PTPRN2: variants seen among roughly 807,000 people sequenced by gnomAD.
The protein encoded by PTPRN2 is protein tyrosine phosphatase receptor type N2, also known as receptor-type tyrosine-protein phosphatase N2.
PTPRN2 carries 74 observed loss-of-function variants against 118.8 expected under a neutral mutation model. The ratio of observed to expected loss-of-function variants is 0.62; its 90% CI spans 0.52 to 0.76. The LOEUF (loss-of-function observed/expected upper bound fraction) is 0.76, where lower values mean the gene tolerates loss of function less well. PTPRN2 is among the 30% of genes least tolerant of loss of function. The pLI is 0.00. For synonymous variants in PTPRN2, 641 were observed against 608.0 expected, an observed-to-expected ratio of 1.05 and a Z score of -0.80; for missense variants, 1,481 against 1,394.4, an observed-to-expected ratio of 1.06 and a Z score of -0.99.
chr7:158,220,553 T>A (rs138128517), intron 3 of PTPRN2, among the ~76,000 whole-genome samples: 212 of 152,108 alleles, frequency 1.4e-3, no homozygotes, highest in African/African-American at 4.1e-3. Context: ...ACTAAAAAAC[T>A]AATATCATTT....
intron 12 of PTPRN2, among the ~76,000 whole-genome samples, chr7:157,749,233 C>G (rs1490523797): frequency 1.9e-5 from 2 of 104,466 alleles, no homozygotes; most frequent in Non-Finnish European, 3.7e-5. Context: ...GAGCTGTGGG[C>G]TGTTGAGGTG....
intron 13 of PTPRN2, among the ~76,000 whole-genome samples, chr7:157,664,545 C>T (rs1036111426): frequency 1.3e-5 from 2 of 152,106 alleles, no homozygotes; most frequent in Non-Finnish European, 2.9e-5. Flanking sequence ...TGGGAGGATC[C>T]CTTGAGCCCA....
intron 12 of PTPRN2, 34 bp downstream of exon 12, chr7:157,898,639 T>C (rs1306300460): frequency 6.5e-7 from 1 of 1,532,732 alleles, no homozygotes; most frequent in African/African-American, 1.4e-5. Context: ...GCACTGCAGA[T>C]CGCAGAGCAG....
chr7:158,587,467 T>A, intron 1 of PTPRN2, 91 bp downstream of exon 1: 2 of 635,568 alleles, frequency 3.1e-6, no homozygotes, highest in Non-Finnish European at 3.5e-6. Context: ...GTGGCGCCTC[T>A]CCCCACCCAG....
chr7:157,625,045 T>G (rs1460356719), intron 14 of PTPRN2, among the ~76,000 whole-genome samples: 1 of 152,202 alleles, frequency 6.6e-6, no homozygotes, highest in African/African-American at 2.4e-5. Flanking sequence ...ACCTTCCTCC[T>G]GCAAGAATGG....
rs1281952807 is a variant in PTPRN2 at position 157,611,159 on chromosome 7, G to T, written c.2345-7084C>A. ...CAGAGGAGCAACAGTGGCCCCAAATGGCATGGTCACAAGGCTGGTTTAGTG... is the reference window on the plus strand; with the variant it reads ...CAGAGGAGCAACAGTGGCCCCAAATTGCATGGTCACAAGGCTGGTTTAGTG... On this transcript the variant is annotated intron_variant, in intron 15 of 22. Coordinates refer to ENST00000389418, the MANE Select transcript of PTPRN2 (RefSeq NM_002847.5). This position sits in a 1 kb window ranked among gnomAD's most constrained non-coding sequence, Gnocchi z 5.9. Among the ~76,000 whole-genome samples, 1 of 152,194 alleles carries T rather than the reference G, an allele frequency of 6.6e-6. No individual in the cohort carries two copies. The highest frequency in any genetic ancestry group is 1.5e-5 in the Non-Finnish European group (1 of 68,040).
At chr7:158,032,926 G>A (rs1807795789) in intron 11 of PTPRN2, among the ~76,000 whole-genome samples, 1 of 152,186 alleles carries the variant, frequency 6.6e-6, no homozygotes, top group South Asian at 2.1e-4. Flanking sequence ...AGGCATTACT[G>A]CAGAGGAAGG....
chr7:158,378,698 C>T (rs1810734060), intron 2 of PTPRN2, among the ~76,000 whole-genome samples: 1 of 152,146 alleles, frequency 6.6e-6, no homozygotes, highest in Non-Finnish European at 1.5e-5. Context: ...GGTCCAGGGT[C>T]CAGGGTCAAC....
intron 2 of PTPRN2, among the ~76,000 whole-genome samples, chr7:158,418,049 T>C (rs10226337): frequency 0.038 from 3,697 of 97,502 alleles, 7 homozygotes; most frequent in Middle Eastern, 0.069. Context: ...TGTTAAGTCA[T>C]GGTGTACTAC....
At chr7:158,285,923 C>T (rs1228875829) in intron 3 of PTPRN2, among the ~76,000 whole-genome samples, 2 of 151,504 alleles carry the variant, frequency 1.3e-5, no homozygotes, top group East Asian at 3.9e-4. Context: ...GAGGTTGGAT[C>T]CAGCCACACA....
intron 12 of PTPRN2, among the ~76,000 whole-genome samples, chr7:157,837,204 A>G (rs1362938622): frequency 3.2e-4 from 5 of 15,776 alleles, no homozygotes; most frequent in African/African-American, 1.1e-3. Context: ...TCCACTCACT[A>G]CCACCTGTCC....
intron 14 of PTPRN2, among the ~76,000 whole-genome samples, chr7:157,642,411 G>A (rs1804727183): frequency 7.2e-5 from 11 of 152,228 alleles, no homozygotes; most frequent in Admixed American, 7.2e-4. Flanking sequence ...ACTCCATCCA[G>A]GCCCTGAACT....
intron 6 of PTPRN2, among the ~76,000 whole-genome samples, chr7:158,164,693 T>C (rs1585703540): frequency 6.6e-6 from 1 of 151,220 alleles, no homozygotes; most frequent in African/African-American, 2.4e-5. Context: ...AGGACAGAGG[T>C]GAATGGGGCT....
chr7:157,653,833 C>T (rs1381526367), intron 14 of PTPRN2, among the ~76,000 whole-genome samples: 1 of 149,368 alleles, frequency 6.7e-6, no homozygotes, highest in African/African-American at 2.5e-5. Context: ...GCACACGACG[C>T]CCGCCACTCC....
At position 158,221,498 on chromosome 7, in the gene PTPRN2, G is replaced by A. The variant is rs76592434; in HGVS notation, c.278-16225C>T. On this transcript the variant is annotated intron_variant, in intron 3 of 22. Coordinates refer to ENST00000389418, the MANE Select transcript of PTPRN2 (RefSeq NM_002847.5). ...AGTCCATTTTCACACTGCTGATAAA[G>A]ACACACTTGAGACTGGGTAAACTAA... is the stretch of plus-strand genomic sequence containing the variant. Among the ~76,000 whole-genome samples, 1,310 of 152,270 alleles carry A rather than the reference G, an allele frequency of 8.6e-3. 22 individuals are homozygous for A. Among genetic ancestry groups the A allele is most frequent in the African/African-American group, 0.03 (1,238 of 41,530 alleles).
intron 11 of PTPRN2, among the ~76,000 whole-genome samples, chr7:158,071,367 A>ATGGTGGAGGTGCTCG (rs1811536805): frequency 2.5e-5 from 1 of 40,624 alleles, no homozygotes; most frequent in Non-Finnish European, 4.3e-5. Flanking sequence ...GGAGGTGCTC[A>ATGGTGGAGGTGCTCG]TGGTGGTGGA....
At chr7:157,680,588 T>C (rs1796872654) in intron 13 of PTPRN2, among the ~76,000 whole-genome samples, 1 of 152,218 alleles carries the variant, frequency 6.6e-6, no homozygotes, top group Non-Finnish European at 1.5e-5. Context: ...CACTACTGCG[T>C]CCTGCTCCGC....
chr7:157,716,637 C>T (rs1417083385), intron 12 of PTPRN2, among the ~76,000 whole-genome samples: 1 of 73,436 alleles, frequency 1.4e-5, no homozygotes, highest in Non-Finnish European at 2.5e-5. Context: ...TGCCTGGCCA[C>T]GTAGACTCTG....
At chr7:157,970,476 A>G (rs1253623640) in intron 11 of PTPRN2, among the ~76,000 whole-genome samples, 1 of 152,244 alleles carries the variant, frequency 6.6e-6, no homozygotes, top group Non-Finnish European at 1.5e-5. Context: ...TCATGAAAAT[A>G]GAGCAGAGCA....
Sources: gnomAD v4.1 joint callset for allele counts (sites outside exome capture counted in the v4.1 genomes callset) on GRCh38, gnomAD v4.1.1 for gene constraint, Gnocchi (gnomAD v3.1) non-coding constraint, MANE v1.5 for transcripts, NCBI Gene and HGNC (gene_info 2026-07-23, HGNC 2026-07-21) for gene names.